The following OXR1 variants were observed in gnomAD, a reference collection of about 807,000 sequenced individuals.
The protein encoded by OXR1 is oxidation resistance protein 1.
OXR1 carries 41 observed loss-of-function variants against 104.6 expected under a neutral mutation model. That is an observed-to-expected ratio of 0.39 (90% CI 0.31 to 0.51). OXR1 has a LOEUF of 0.51. OXR1 is among the 20% of genes least tolerant of loss of function. The probability of loss-of-function intolerance (pLI) is 0.77; values close to 1 mark genes in which losing one functional copy is unlikely to be tolerated. For synonymous variants in OXR1, 348 were observed against 348.4 expected, an observed-to-expected ratio of 1.00 and a Z score of 0.01; for missense variants, 955 against 1,031.9, an observed-to-expected ratio of 0.93 and a Z score of 1.02.
rs1197044646 is a variant in OXR1 at position 106,666,981 on chromosome 8, A to G, written c.221-12229A>G. On this transcript the variant is annotated intron_variant, in intron 3 of 16. Coordinates refer to ENST00000517566, the MANE Select transcript of OXR1 (RefSeq NM_001198533.2). ...TTAATTTAATTAAGTAAAACTTTAA[A>G]TTCAGTTTTCAGTCTCACTAGAGAC... Among the ~76,000 whole-genome samples, 7 of 152,306 alleles carry G rather than the reference A, an allele frequency of 4.6e-5. No homozygotes were observed. The Middle Eastern group carries it at 0.01, about 222-fold the overall frequency.
At chr8:106,616,907 A>G (rs1821287001) in intron 3 of OXR1, among the ~76,000 whole-genome samples, 1 of 152,116 alleles carries the variant, frequency 6.6e-6, no homozygotes, top group Non-Finnish European at 1.5e-5. Flanking sequence ...TCTGTTCTCA[A>G]TGGTTGTGAT....
chr8:106,273,959 G>A (rs754208607), intron 1 of OXR1, among the ~76,000 whole-genome samples: 20 of 152,238 alleles, frequency 1.3e-4, no homozygotes, highest in Middle Eastern at 3.4e-3. Flanking sequence ...TTTTAAAAGC[G>A]ATAATCTTAA....
intron 3 of OXR1, among the ~76,000 whole-genome samples, chr8:106,597,684 A>T (rs1035625917): frequency 6.6e-5 from 10 of 152,156 alleles, no homozygotes; most frequent in African/African-American, 2.4e-4. Flanking sequence ...AATTATTTCC[A>T]TATTCTAGGT....
chr8:106,521,269 T>A (rs1205524979), intron 3 of OXR1, among the ~76,000 whole-genome samples: 1 of 152,176 alleles, frequency 6.6e-6, no homozygotes. Context: ...TTATTGATAA[T>A]TTCATATGCC....
intron 3 of OXR1, among the ~76,000 whole-genome samples, chr8:106,640,780 T>C (rs1823564549): frequency 6.6e-6 from 1 of 152,202 alleles, no homozygotes; most frequent in Non-Finnish European, 1.5e-5. Context: ...AGTGATTCAA[T>C]GTTCAAATTC....
chr8:106,472,158 C>A (rs77183775), intron 2 of OXR1, among the ~76,000 whole-genome samples: 1 of 151,658 alleles, frequency 6.6e-6, no homozygotes, highest in South Asian at 2.1e-4. Flanking sequence ...TTTTAAAGAA[C>A]GTTTGAGTGA....
intron 2 of OXR1, among the ~76,000 whole-genome samples, chr8:106,487,426 TG>T (rs143060177): frequency 0.087 from 13,013 of 149,204 alleles, 649 homozygotes; most frequent in African/African-American, 0.13. Flanking sequence ...TGTGATATTT[TG>T]TTTTTTTTAT....
chr8:106,563,296 CAAAA>C lies in OXR1; in HGVS notation c.220+44172_220+44175del, dbSNP rs145929849. On this transcript the variant is annotated intron_variant, in intron 3 of 16. Coordinates refer to ENST00000517566, the MANE Select transcript of OXR1 (RefSeq NM_001198533.2). ...GAAGATTTACCAAGCAAATGGAAAG[CAAAA>C]AAAAAAAAAAAAAAGAAAAAAAAAG... Among the ~76,000 whole-genome samples the C allele has an allele frequency of 8.2e-4, 103 of 125,740 alleles. 3 individuals carry two copies. The highest frequency in any genetic ancestry group is 1.8e-3 in the African/African-American group (60 of 33,804). The allele number at this position is 125,740 out of a possible 152,430, so 82.5% of individuals were successfully genotyped here.
chr8:106,411,514 T>A (rs1563508657), intron 2 of OXR1, among the ~76,000 whole-genome samples: 1 of 152,182 alleles, frequency 6.6e-6, no homozygotes, highest in Non-Finnish European at 1.5e-5. Context: ...AAAGATGCCT[T>A]TTCTCTCATG....
intron 6 of OXR1, among the ~76,000 whole-genome samples, chr8:106,691,828 G>A (rs936466025): frequency 2.0e-5 from 3 of 150,256 alleles, no homozygotes; most frequent in African/African-American, 4.9e-5. Context: ...AAAGGGAAGC[G>A]ATACAATATT....
chr8:106,392,662 C>T (rs905562016), intron 2 of OXR1, among the ~76,000 whole-genome samples: 3 of 152,204 alleles, frequency 2.0e-5, no homozygotes, highest in Non-Finnish European at 4.4e-5. Context: ...ATTTCATATT[C>T]TTTAACCAAG....
intron 2 of OXR1, among the ~76,000 whole-genome samples, chr8:106,491,539 A>G (rs947894063): frequency 5.9e-5 from 9 of 152,178 alleles, no homozygotes; most frequent in African/African-American, 1.4e-4. Context: ...AAAACTTCCT[A>G]TATGATCTGT....
intron 4 of OXR1, 56 bp from the exon 5 acceptor site, chr8:106,683,143 A>G: frequency 3.7e-6 from 3 of 821,444 alleles, no homozygotes; most frequent in South Asian, 3.0e-5. Flanking sequence ...ATTAAATATT[A>G]TAGTTTAGTT....
At chr8:106,515,601 G>C (rs1260774286) in intron 2 of OXR1, among the ~76,000 whole-genome samples, 1 of 152,076 alleles carries the variant, frequency 6.6e-6, no homozygotes, top group Non-Finnish European at 1.5e-5. Context: ...TGTTGTAAAT[G>C]ACAAGATATT....
chr8:106,711,824 C>A (rs960081358), intron 10 of OXR1, among the ~76,000 whole-genome samples: 11 of 152,038 alleles, frequency 7.2e-5, no homozygotes, highest in Non-Finnish European at 1.5e-5. Flanking sequence ...TTTAGGGAAC[C>A]TGAATTTTTA....
At chr8:106,463,429 T>C (rs1158508930) in intron 2 of OXR1, among the ~76,000 whole-genome samples, 2 of 152,148 alleles carry the variant, frequency 1.3e-5, no homozygotes, top group Admixed American at 6.6e-5. Context: ...TTCTTAGACA[T>C]GTTTTTCATA....
At chr8:106,732,720 G>A (rs1834002861) in intron 11 of OXR1, among the ~76,000 whole-genome samples, 1 of 152,092 alleles carries the variant, frequency 6.6e-6, no homozygotes. Context: ...GCGTAGGTGG[G>A]ATAAGTTCTA....
chr8:106,514,110 T>G (rs1248479781), intron 2 of OXR1, among the ~76,000 whole-genome samples: 1 of 152,148 alleles, frequency 6.6e-6, no homozygotes, highest in Non-Finnish European at 1.5e-5. Context: ...CAAAGCACAT[T>G]CAACAAAGAA....
intron 2 of OXR1, among the ~76,000 whole-genome samples, chr8:106,468,415 C>T (rs1266336905): frequency 4.0e-5 from 6 of 151,850 alleles, no homozygotes; most frequent in Admixed American, 3.9e-4. Context: ...CATCCACACA[C>T]ACACACAAAA....
Sources: allele counts gnomAD v4.1 joint callset (sites outside exome capture counted in the v4.1 genomes callset), GRCh38; gene constraint gnomAD v4.1.1; transcripts MANE v1.5; gene names NCBI Gene and HGNC (gene_info 2026-07-23, HGNC 2026-07-21).